PLXNA4: variants seen among roughly 807,000 people sequenced by gnomAD.
PLXNA4 encodes the protein plexin A4, also known as plexin-A4.
A neutral mutation model predicts 191.8 loss-of-function variants in PLXNA4; 44 were observed. That is an observed-to-expected ratio of 0.23 (90% CI 0.18 to 0.29). PLXNA4 has a LOEUF of 0.29. Among genes scored for constraint, PLXNA4 ranks in the 10% least tolerant of loss-of-function variants. The pLI, the probability that PLXNA4 is intolerant of heterozygous loss-of-function variation, is 1.00. For synonymous variants in PLXNA4, 1,082 were observed against 1,009.5 expected (o/e 1.07, Z -1.36); for missense variants, 1,800 against 2,488.8 (o/e 0.72, Z 5.89).
At chr7:132,476,407 G>A (rs1239161294) in intron 3 of PLXNA4, among the ~76,000 whole-genome samples, 1 of 152,194 alleles carries the variant, frequency 6.6e-6, no homozygotes, top group Admixed American at 6.5e-5. Flanking sequence ...CCAAAAACTT[G>A]GCAGTCTACA....
chr7:132,146,079 CAAA>C (rs67412588), intron 28 of PLXNA4, among the ~76,000 whole-genome samples: 229 of 48,952 alleles, frequency 4.7e-3, no homozygotes, highest in African/African-American at 0.019. Context: ...GACTCTGTCT[CAAA>C]AAAAAAAAAA....
intron 18 of PLXNA4, among the ~76,000 whole-genome samples, 181 bp downstream of exon 18, chr7:132,181,200 T>C (rs144427530): frequency 0.024 from 3,595 of 152,272 alleles, 73 homozygotes; most frequent in Middle Eastern, 0.051. Context: ...AACCGGCCCC[T>C]AAAGAGAGTT....
rs1418359222 is a variant in PLXNA4 at position 132,230,966 on chromosome 7, G to A, written c.1605-2497C>T. Among the ~76,000 whole-genome samples, 11 of 152,306 alleles carry A rather than the reference G, an allele frequency of 7.2e-5. No homozygotes were observed. In the South Asian group the frequency reaches 1.0e-3, roughly 14 times the overall value. On this transcript the variant is annotated intron_variant, in intron 5 of 31. Transcript: ENST00000321063. ...GTAGGGAGGAAGAGGTGGCACACAG[G>A]TGTTTGCTCGGGGGATCTCAGGACA... is the stretch of plus-strand genomic sequence containing the variant.
At chr7:132,247,869 G>A (rs1204416560) in intron 4 of PLXNA4, among the ~76,000 whole-genome samples, 2 of 152,222 alleles carry the variant, frequency 1.3e-5, no homozygotes, top group South Asian at 2.1e-4. Flanking sequence ...CTCAAAGGGG[G>A]CAGGTATTTC....
chr7:132,385,003 C>A, intron 3 of PLXNA4: 1 of 1,400,638 alleles, frequency 7.1e-7, no homozygotes, highest in Non-Finnish European at 9.3e-7. Flanking sequence ...GACCAACTAC[C>A]TAGCCAAGCT....
Position 132,203,419 on chromosome 7 carries a change from A to G in PLXNA4, c.2299T>C (p.Tyr767His), listed in dbSNP as rs1200439799. 14 of 1,613,846 alleles carry G rather than the reference A, an allele frequency of 8.7e-6. No individual in the cohort carries two copies. Among genetic ancestry groups the G allele is most frequent in the Non-Finnish European group, 1.1e-5 (13 of 1,179,874 alleles). ...SSSVQCQNTS[Y>H]SYEGMEINNL... ...TTGATCTCCATCCCTTCATAGGAAT[A>G]CTGCAGCCAGGTCGGGGAGGAGGAA... Residue 767 changes from tyrosine (Y) to histidine (H), a missense_variant and splice_region_variant, in exon 11 of 32, where the codon TAT (tyrosine) becomes CAT (histidine). Tyr to His is a moderately conservative substitution (Grantham distance 83, BLOSUM62 2). Transcript: ENST00000321063.
At chr7:132,376,808 C>T (rs1002886084) in intron 3 of PLXNA4, among the ~76,000 whole-genome samples, 1 of 152,218 alleles carries the variant, frequency 6.6e-6, no homozygotes, top group Non-Finnish European at 1.5e-5. Context: ...GGGCAGCCAT[C>T]ACTCCTGCCT....
chr7:132,476,678 G>A (rs1563121457), intron 3 of PLXNA4, among the ~76,000 whole-genome samples: 2 of 152,194 alleles, frequency 1.3e-5, no homozygotes, highest in East Asian at 1.9e-4. Context: ...GGCAAGGGGG[G>A]TTCAGAGGGG....
At chr7:132,291,627 C>A (rs1474974156) in intron 4 of PLXNA4, among the ~76,000 whole-genome samples, 2 of 152,166 alleles carry the variant, frequency 1.3e-5, no homozygotes, top group East Asian at 3.9e-4. Context: ...CATGTGTACA[C>A]ACACACACAC....
At chr7:132,227,047 G>T (rs2116974940) in intron 7 of PLXNA4, among the ~76,000 whole-genome samples, 1 of 152,350 alleles carries the variant, frequency 6.6e-6, no homozygotes. Context: ...TGGGGAGGCA[G>T]TGGTCCAGGG....
intron 2 of PLXNA4, among the ~76,000 whole-genome samples, chr7:132,625,037 C>T (rs547897403): frequency 6.8e-6 from 1 of 145,986 alleles, no homozygotes; most frequent in African/African-American, 2.5e-5. Flanking sequence ...GGACTCTGAG[C>T]CCCCCAAAAT....
chr7:132,585,801 T>C (rs1276833290), intron 2 of PLXNA4, among the ~76,000 whole-genome samples: 1 of 152,182 alleles, frequency 6.6e-6, no homozygotes, highest in Non-Finnish European at 1.5e-5. Flanking sequence ...TTATAAGGAC[T>C]CGATCCATCA....
At chr7:132,538,008 G>A (rs947808016) in intron 1 of PLXNA4, among the ~76,000 whole-genome samples, 25 of 152,288 alleles carry the variant, frequency 1.6e-4, no homozygotes, top group African/African-American at 5.8e-4. Flanking sequence ...GATCCTGCCC[G>A]ACCCCAAACC....
rs147261540 is a variant in PLXNA4 at position 132,220,997 on chromosome 7, T to C, written c.2097+2530A>G. 5.0e-3 allele frequency among the ~76,000 whole-genome samples: 758 copies of C among 151,766 alleles called. 2 individuals are homozygous for C. The highest frequency in any genetic ancestry group is 6.5e-3 in the Non-Finnish European group (441 of 67,948). Reference sequence around the variant, plus strand: ...CCAGCTTACTTACTTACTTACTTACTTTTATTTTTTGTAGAAAAATAAAAA... The same window carrying C: ...CCAGCTTACTTACTTACTTACTTACCTTTATTTTTTGTAGAAAAATAAAAA... On this transcript the variant is annotated intron_variant, in intron 9 of 31. Transcript: ENST00000321063.
chr7:132,146,436 G>C (rs889006828), intron 28 of PLXNA4, 74 bp downstream of exon 28: 1 of 1,613,200 alleles, frequency 6.2e-7, no homozygotes, highest in Non-Finnish European at 8.5e-7. Context: ...TGGCTACTCT[G>C]GCATTTCTGT....
chr7:132,635,555 C>G (rs899958427), intron 2 of PLXNA4, among the ~76,000 whole-genome samples: 3 of 152,098 alleles, frequency 2.0e-5, no homozygotes, highest in African/African-American at 4.8e-5. Context: ...ACAATGTGAG[C>G]TGACATTGCT....
intron 3 of PLXNA4, among the ~76,000 whole-genome samples, chr7:132,430,260 C>T (rs1282563763): frequency 6.6e-6 from 1 of 152,150 alleles, no homozygotes; most frequent in African/African-American, 2.4e-5. Flanking sequence ...ATACAGACAT[C>T]AAGTCTCTAT....
intron 8 of PLXNA4, among the ~76,000 whole-genome samples, chr7:132,224,273 TTG>T (rs1798242338): frequency 6.6e-6 from 1 of 152,164 alleles, no homozygotes; most frequent in Admixed American, 6.5e-5. Context: ...CAACGCAGGT[TTG>T]TTGCTTTGGC....
intron 3 of PLXNA4, among the ~76,000 whole-genome samples, chr7:132,332,380 G>A (rs985436549): frequency 6.6e-6 from 1 of 152,134 alleles, no homozygotes; most frequent in African/African-American, 2.4e-5. Flanking sequence ...GGCTATGTTT[G>A]GAAGCAAGAA....
Sources: allele counts gnomAD v4.1 joint callset (sites outside exome capture counted in the v4.1 genomes callset), GRCh38; gene constraint gnomAD v4.1.1; transcripts MANE v1.5; gene names NCBI Gene and HGNC (gene_info 2026-07-23, HGNC 2026-07-21).